Variants in ALK observed in about 807,000 individuals in gnomAD.
ALK encodes the protein ALK receptor tyrosine kinase, also known as ALK tyrosine kinase receptor.
A neutral mutation model predicts 163.1 loss-of-function variants in ALK; 74 were observed. That is an observed-to-expected ratio of 0.45 (90% CI 0.38 to 0.55). The LOEUF is 0.55. Among genes scored for constraint, ALK ranks in the 20% least tolerant of loss-of-function variants. The pLI, the probability that ALK is intolerant of heterozygous loss-of-function variation, is 0.00. For missense variants in ALK, 2,063 were observed against 2,105.3 expected (o/e 0.98, Z 0.39); for synonymous variants, 960 against 843.2 (o/e 1.14, Z -2.40).
At chr2:29,710,060 C>T (rs1356083374) in intron 2 of ALK, among the ~76,000 whole-genome samples, 2 of 152,256 alleles carry the variant, frequency 1.3e-5, no homozygotes, top group East Asian at 1.9e-4. Context: ...ATCATGGGGG[C>T]AGGTCTTCCG....
chr2:29,548,827 G>T (rs964858471), intron 3 of ALK, among the ~76,000 whole-genome samples: 1 of 152,028 alleles, frequency 6.6e-6, no homozygotes, highest in South Asian at 2.1e-4. Context: ...TATTTACCTT[G>T]GGGGGGATGT....
intron 3 of ALK, among the ~76,000 whole-genome samples, chr2:29,573,521 C>T (rs1674437525): frequency 6.6e-6 from 1 of 152,194 alleles, no homozygotes; most frequent in South Asian, 2.1e-4. Flanking sequence ...GACAGGATCT[C>T]ACTCTATTGC....
chr2:29,298,108 G>A (rs1026904119), intron 8 of ALK, among the ~76,000 whole-genome samples: 3 of 152,170 alleles, frequency 2.0e-5, no homozygotes, highest in Non-Finnish European at 2.9e-5. Flanking sequence ...ACTCACGGCA[G>A]CCCCAAACTT....
chr2:29,634,730 C>T (rs559638119), intron 3 of ALK, among the ~76,000 whole-genome samples: 4 of 152,142 alleles, frequency 2.6e-5, no homozygotes, highest in South Asian at 2.1e-4. Context: ...TCCACACTAA[C>T]GACTGCTATT....
chr2:29,893,337 A>G (rs1483349016), intron 1 of ALK, among the ~76,000 whole-genome samples: 1 of 152,032 alleles, frequency 6.6e-6, no homozygotes, highest in East Asian at 1.9e-4. Context: ...CCTTTTTCTC[A>G]TTGCTCTGAC....
intron 11 of ALK, among the ~76,000 whole-genome samples, chr2:29,262,685 C>T (rs553531253): frequency 2.0e-5 from 3 of 152,348 alleles, no homozygotes; most frequent in East Asian, 1.9e-4. Flanking sequence ...TCCCTCCCTG[C>T]GGAAGGCAGA....
At chr2:29,460,250 CGTTT>C (rs1558334171) in intron 4 of ALK, among the ~76,000 whole-genome samples, 3 of 152,112 alleles carry the variant, frequency 2.0e-5, no homozygotes, top group Non-Finnish European at 4.4e-5. Context: ...ATGAAAAAAT[CGTTT>C]GAAATACAAT....
chr2:29,361,579 G>T (rs1470366990), intron 5 of ALK, among the ~76,000 whole-genome samples: 1 of 152,222 alleles, frequency 6.6e-6, no homozygotes, highest in East Asian at 1.9e-4. Flanking sequence ...GCTGTGACTT[G>T]CTATGTAACC....
intron 4 of ALK, among the ~76,000 whole-genome samples, chr2:29,515,146 T>G (rs1672627397): frequency 6.6e-6 from 1 of 152,146 alleles, no homozygotes; most frequent in Admixed American, 6.5e-5. Context: ...AGAAAGGGTC[T>G]TGCTACTTGT....
chr2:29,721,504 C>T (rs1679421939), intron 1 of ALK, among the ~76,000 whole-genome samples: 1 of 152,210 alleles, frequency 6.6e-6, no homozygotes, highest in Non-Finnish European at 1.5e-5. Context: ...CTAGTTCAAA[C>T]TTCCTCTCAA....
At chr2:29,282,382 T>G (rs991215800) in intron 9 of ALK, among the ~76,000 whole-genome samples, 2 of 152,232 alleles carry the variant, frequency 1.3e-5, no homozygotes, top group African/African-American at 4.8e-5. Context: ...ACTTCAGCTC[T>G]AAGATGAAGA....
At chr2:29,756,229 G>C (rs62130968) in intron 1 of ALK, among the ~76,000 whole-genome samples, 37 of 152,316 alleles carry the variant, frequency 2.4e-4, no homozygotes, top group Non-Finnish European at 4.3e-4. Context: ...TCATGGCTCA[G>C]CTCAAAAGTC....
rs1337050268 is a variant in ALK at position 29,728,001 on chromosome 2, C to T, written c.668-10304G>A. 3.9e-5 allele frequency among the ~76,000 whole-genome samples: 6 copies of T among 152,246 alleles called. No individual in the cohort carries two copies. In the East Asian group the frequency reaches 7.7e-4, roughly 20 times the overall value. ...AAATCACAAAATATGATCTTCTGTG[C>T]CCCCATTCTATGCCTCACCCACCAC... On this transcript the variant is annotated intron_variant, in intron 1 of 28. Coordinates refer to ENST00000389048, the MANE Select transcript of ALK (RefSeq NM_004304.5).
chr2:29,626,656 G>T (rs1207083897), intron 3 of ALK, among the ~76,000 whole-genome samples: 1 of 152,210 alleles, frequency 6.6e-6, no homozygotes, highest in Admixed American at 6.5e-5. Context: ...CCCTCCCCAT[G>T]TGAGGACACA....
At chr2:29,497,611 C>T (rs1672063687) in intron 4 of ALK, among the ~76,000 whole-genome samples, 1 of 152,184 alleles carries the variant, frequency 6.6e-6, no homozygotes. Context: ...TTGTAAATGT[C>T]TGCAAAACTC....
In ALK at chr2:29,834,005, T is replaced by C. The variant is rs140451373; in HGVS notation, c.667+85988A>G. ...GGGAGCACAGTTTAATTCTGCAAAA[T>C]CAATAGGACACATGGTTGGGCAGAA... is the stretch of plus-strand genomic sequence containing the variant. On this transcript the variant is annotated intron_variant, in intron 1 of 28. Coordinates refer to ENST00000389048, the MANE Select transcript of ALK (RefSeq NM_004304.5). Among the ~76,000 whole-genome samples the C allele has an allele frequency of 1.3e-4, 20 of 152,236 alleles. No homozygotes were observed. In the East Asian group the frequency reaches 3.9e-3, roughly 29 times the overall value.
intron 3 of ALK, among the ~76,000 whole-genome samples, chr2:29,582,273 T>A (rs999465198): frequency 6.6e-6 from 1 of 152,174 alleles, no homozygotes; most frequent in Non-Finnish European, 1.5e-5. Flanking sequence ...GAGGAAGATA[T>A]TTGAATAGTA....
intron 3 of ALK, among the ~76,000 whole-genome samples, chr2:29,693,101 G>A (rs1203662719): frequency 6.6e-6 from 1 of 152,058 alleles, no homozygotes; most frequent in Non-Finnish European, 1.5e-5. Context: ...TACCTTGGAG[G>A]GTGGGGAAAA....
At chr2:29,528,782 G>C (rs563341260) in intron 4 of ALK, among the ~76,000 whole-genome samples, 1 of 152,254 alleles carries the variant, frequency 6.6e-6, no homozygotes, top group East Asian at 1.9e-4. Context: ...TTCAGTTCAT[G>C]GGGACTTTAT....
Sources: gnomAD v4.1 joint callset for allele counts (sites outside exome capture counted in the v4.1 genomes callset) on GRCh38, gnomAD v4.1.1 for gene constraint, MANE v1.5 for transcripts, NCBI Gene and HGNC (gene_info 2026-07-23, HGNC 2026-07-21) for gene names.